The following RTKN2 variants were observed in gnomAD, a reference collection of about 807,000 sequenced individuals.
RTKN2 encodes rhotekin 2, also known as rhotekin-2.
In RTKN2, 69 loss-of-function variants were observed where a neutral mutation model predicts 71.5. The observed-to-expected ratio is 0.96, with a 90% confidence interval of 0.79 to 1.18. The LOEUF (loss-of-function observed/expected upper bound fraction) is 1.18. Among genes scored for constraint, RTKN2 ranks in the 50% most tolerant of loss-of-function variants. The pLI, the probability that RTKN2 is intolerant of heterozygous loss-of-function variation, is 0.00. For synonymous variants in RTKN2, 236 were observed against 236.5 expected (o/e 1.00, Z 0.02); for missense variants, 724 against 719.7 (o/e 1.01, Z -0.07).
intron 3 of RTKN2, among the ~76,000 whole-genome samples, chr10:62,245,633 C>A (rs1232043059): frequency 6.6e-6 from 1 of 151,978 alleles, no homozygotes; most frequent in South Asian, 2.1e-4. Flanking sequence ...CTGACCTAGA[C>A]AAAACATTAA....
downstream of RTKN2, among the ~76,000 whole-genome samples, chr10:62,188,267 T>C (rs954211728): frequency 1.3e-5 from 2 of 152,082 alleles, no homozygotes; most frequent in African/African-American, 4.8e-5. Flanking sequence ...GGGCTGGTTA[T>C]TGGTGAGAGG....
At chr10:62,218,402 C>T (rs1841826803) in intron 7 of RTKN2, 101 bp from the exon 8 acceptor site, 2 of 757,838 alleles carry the variant, frequency 2.6e-6, no homozygotes, top group South Asian at 1.8e-5. Flanking sequence ...TTTTGTTTTG[C>T]TTTGTACAGA....
intron 3 of RTKN2, among the ~76,000 whole-genome samples, chr10:62,242,678 C>G (rs1000591119): frequency 6.6e-6 from 1 of 151,628 alleles, no homozygotes. Context: ...TGCAATCGTG[C>G]GATCTCACTG....
chr10:62,208,898 T>C (rs1589340685), intron 9 of RTKN2, among the ~76,000 whole-genome samples: 1 of 152,206 alleles, frequency 6.6e-6, no homozygotes, highest in Non-Finnish European at 1.5e-5. Context: ...GATATGCTTC[T>C]TGATGAAAGT....
intron 2 of RTKN2, 146 bp downstream of exon 2, chr10:62,262,479 G>C: frequency 1.8e-6 from 1 of 557,002 alleles, no homozygotes; most frequent in Non-Finnish European, 3.1e-6. Flanking sequence ...TCGGCAAACT[G>C]TTTATGATGT....
chr10:62,214,711 A>G (rs982202368), intron 9 of RTKN2, among the ~76,000 whole-genome samples: 10 of 152,124 alleles, frequency 6.6e-5, no homozygotes, highest in Admixed American at 1.3e-4. Context: ...GCCATCGCCT[A>G]TAAGTCTGCT....
intron 2 of RTKN2, among the ~76,000 whole-genome samples, chr10:62,257,961 G>A (rs1842704487): frequency 6.6e-6 from 1 of 152,134 alleles, no homozygotes. Flanking sequence ...GGGTATTTTG[G>A]CTTGTTCAAG....
intron 9 of RTKN2, among the ~76,000 whole-genome samples, chr10:62,205,651 C>T (rs1841535294): frequency 6.6e-6 from 1 of 152,136 alleles, no homozygotes; most frequent in South Asian, 2.1e-4. Context: ...TTTTAAAGTG[C>T]TAAGTACAAC....
Position 62,196,157 on chromosome 10 carries a change from T to G in RTKN2, c.*1751A>C. ...TCACAAATGCTGTCAAAAACAGCAATGAAGTTTTAAAAAATAACCCAAAAA... is the reference window on the plus strand; with the variant it reads ...TCACAAATGCTGTCAAAAACAGCAAGGAAGTTTTAAAAAATAACCCAAAAA... On this transcript the variant is annotated 3_prime_UTR_variant, in exon 12 of 12. Coordinates refer to ENST00000373789, the MANE Select transcript of RTKN2 (RefSeq NM_145307.4). 1 of 982,180 alleles carries G rather than the reference T, an allele frequency of 1.0e-6. No homozygotes were observed. Among genetic ancestry groups the G allele is most frequent in the Non-Finnish European group, 1.2e-6 (1 of 827,040 alleles). 60.8% of individuals were successfully genotyped at this position (982,180 alleles called of 1,614,324 possible).
chr10:62,214,693 A>G (rs1007419036), intron 9 of RTKN2, among the ~76,000 whole-genome samples: 2 of 152,122 alleles, frequency 1.3e-5, no homozygotes, highest in Admixed American at 6.6e-5. Context: ...TTCCACACAC[A>G]TGCCTAAGCC....
intron 7 of RTKN2, among the ~76,000 whole-genome samples, chr10:62,220,124 T>C (rs7900995): frequency 0.019 from 2,907 of 152,246 alleles, 79 homozygotes; most frequent in African/African-American, 0.066. Context: ...TTTGTAAAAA[T>C]AGTTAATATA....
intron 9 of RTKN2, among the ~76,000 whole-genome samples, chr10:62,206,170 C>G (rs1293781463): frequency 6.6e-6 from 1 of 152,096 alleles, no homozygotes; most frequent in East Asian, 1.9e-4. Context: ...TTGTAAGTGT[C>G]TAACAGTCAC....
chr10:62,225,814 C>A (rs1032857320), intron 6 of RTKN2, among the ~76,000 whole-genome samples: 2 of 149,048 alleles, frequency 1.3e-5, no homozygotes, highest in African/African-American at 5.0e-5. Flanking sequence ...CGGAGTCTCA[C>A]TCTGTCACCC....
At chr10:62,261,068 C>T (rs990945075) in intron 2 of RTKN2, among the ~76,000 whole-genome samples, 4 of 152,182 alleles carry the variant, frequency 2.6e-5, no homozygotes, top group Non-Finnish European at 4.4e-5. Context: ...TATTCTATGA[C>T]TTTGCATCAT....
intron 3 of RTKN2, 152 bp from the exon 4 acceptor site, chr10:62,241,347 A>G (rs1276633343): frequency 7.2e-6 from 4 of 557,708 alleles, no homozygotes; most frequent in Non-Finnish European, 1.3e-5. Flanking sequence ...GACATTGTTT[A>G]TAGTTTGTAC....
At chr10:62,200,127 G>C (rs754159033) in intron 10 of RTKN2, among the ~76,000 whole-genome samples, 1 of 152,022 alleles carries the variant, frequency 6.6e-6, no homozygotes, top group African/African-American at 2.4e-5. Context: ...AAGTTGGAAG[G>C]CCTAGGTGGG....
intron 3 of RTKN2, 21 bp downstream of exon 3, chr10:62,245,978 A>G (rs1405116274): frequency 2.0e-6 from 3 of 1,475,150 alleles, no homozygotes; most frequent in Non-Finnish European, 2.8e-6. Context: ...CAGCAATATA[A>G]AAGATTCATT....
At chr10:62,184,354 G>A in exon 9 of RTKN2, 2 of 1,544,866 alleles carry the variant, frequency 1.3e-6, no homozygotes, top group Non-Finnish European at 1.7e-6. Flanking sequence ...GTTGCTGGCA[G>A]TTTCTGGAGA....
intron 2 of RTKN2, among the ~76,000 whole-genome samples, chr10:62,256,630 T>G (rs1041837702): frequency 6.6e-6 from 1 of 152,112 alleles, no homozygotes; most frequent in African/African-American, 2.4e-5. Context: ...TTTTAAATGG[T>G]TCAACAACAA....
Sources: allele counts gnomAD v4.1 joint callset (sites outside exome capture counted in the v4.1 genomes callset), GRCh38; gene constraint gnomAD v4.1.1; transcripts MANE v1.5; gene names NCBI Gene and HGNC (gene_info 2026-07-23, HGNC 2026-07-21).